The following GTF2IRD1 variants were observed in gnomAD, a reference collection of about 807,000 sequenced individuals.
GTF2IRD1 encodes GTF2I repeat domain containing 1, also known as general transcription factor II-I repeat domain-containing protein 1.
Under a neutral mutation model 113.2 loss-of-function variants are expected in GTF2IRD1, and 26 were observed. The ratio of observed to expected loss-of-function variants is 0.23; its 90% confidence interval spans 0.17 to 0.32. GTF2IRD1 has a LOEUF of 0.32. Ranked by LOEUF, GTF2IRD1 falls within the 10% of genes least tolerant of loss-of-function variation. The probability of loss-of-function intolerance (pLI) is 1.00; values close to 1 mark genes in which losing one functional copy is unlikely to be tolerated. For synonymous variants in GTF2IRD1, 484 were observed against 529.1 expected, an observed-to-expected ratio of 0.91 and a Z score of 1.17; for missense variants, 864 against 1,280.8, an observed-to-expected ratio of 0.67 and a Z score of 4.97.
intron 1 of GTF2IRD1, among the ~76,000 whole-genome samples, chr7:74,491,151 C>T (rs1047029404): frequency 3.3e-5 from 5 of 151,834 alleles, no homozygotes; most frequent in Admixed American, 6.6e-5. Context: ...ACTAAAAATA[C>T]AAAAATTAGA....
chr7:74,591,995 GA>G (rs1802091955), intron 24 of GTF2IRD1, among the ~76,000 whole-genome samples: 1 of 151,376 alleles, frequency 6.6e-6, no homozygotes, highest in South Asian at 2.1e-4. Context: ...CAGCAACCTG[GA>G]AAATACAAAA....
Position 74,545,791 on chromosome 7 carries a change from C to T in GTF2IRD1, c.1714C>T (p.Leu572Phe). Residue 572 changes from leucine to phenylalanine, a missense_variant, in exon 16 of 27, where the codon CTC becomes TTC. This residue lies in a region of GTF2IRD1 where 218 missense variants were observed against 352.6 expected (regional missense o/e 0.62). Coordinates refer to ENST00000424337, the MANE Select transcript of GTF2IRD1 (RefSeq NM_005685.4). The part of the protein sequence containing the change: ...IRPLRKQVEL[L>F]FNTRYAKAIG... ...GCCCCTGCGGAAGCAGGTGGAGCTG[C>T]TCTTCAACACACGATACGGTGAGCA... The T allele has an allele frequency of 6.2e-7, 1 of 1,613,102 alleles. No individual in the cohort carries two copies. Among genetic ancestry groups the T allele is most frequent in the Non-Finnish European group, 8.5e-7 (1 of 1,179,376 alleles).
intron 1 of GTF2IRD1, among the ~76,000 whole-genome samples, chr7:74,463,877 C>G (rs1562768823): frequency 6.6e-6 from 1 of 152,140 alleles, no homozygotes; most frequent in Non-Finnish European, 1.5e-5. Context: ...GTGCGTGCCA[C>G]CACACCCGAC....
chr7:74,501,981 T>C (rs1796059175), intron 1 of GTF2IRD1, among the ~76,000 whole-genome samples: 1 of 152,120 alleles, frequency 6.6e-6, no homozygotes, highest in South Asian at 2.1e-4. Context: ...AGGGTCTTGC[T>C]CTGTCTCCCA....
intron 1 of GTF2IRD1, among the ~76,000 whole-genome samples, chr7:74,476,635 C>T (rs1794429124): frequency 1.3e-5 from 2 of 152,022 alleles, no homozygotes; most frequent in Admixed American, 6.6e-5. Context: ...CAGATTTCAT[C>T]GGTTCCCCAC....
At chr7:74,549,979 G>A (rs1172683169) in intron 17 of GTF2IRD1, among the ~76,000 whole-genome samples, 1 of 151,752 alleles carries the variant, frequency 6.6e-6, no homozygotes, top group Non-Finnish European at 1.5e-5. Context: ...AGAAGTTGCA[G>A]TGAGCCGAGA....
chr7:74,538,474 G>A (rs141833187), intron 12 of GTF2IRD1, among the ~76,000 whole-genome samples: 48 of 152,308 alleles, frequency 3.2e-4, no homozygotes, highest in Middle Eastern at 6.8e-3. Flanking sequence ...CTCAGTCACC[G>A]GGTCTGTAAA....
At chr7:74,567,105 G>A (rs1200782763) in intron 22 of GTF2IRD1, among the ~76,000 whole-genome samples, 2 of 152,062 alleles carry the variant, frequency 1.3e-5, no homozygotes, top group Non-Finnish European at 1.5e-5. Flanking sequence ...TGAGGCAGGC[G>A]GATCACAAGG....
intron 11 of GTF2IRD1, among the ~76,000 whole-genome samples, chr7:74,537,225 C>T: frequency 6.6e-6 from 1 of 152,180 alleles, no homozygotes; most frequent in East Asian, 1.9e-4. Context: ...ACCTGGCCAA[C>T]ATGGCAAAAC....
At chr7:74,500,641 TG>T (rs1795984187) in intron 1 of GTF2IRD1, among the ~76,000 whole-genome samples, 1 of 152,308 alleles carries the variant, frequency 6.6e-6, no homozygotes, top group Non-Finnish European at 1.5e-5. Flanking sequence ...TTGCATCACG[TG>T]TGTGGTCTTT....
At chr7:74,554,945 A>C (rs1352565047) in intron 17 of GTF2IRD1, among the ~76,000 whole-genome samples, 1 of 152,174 alleles carries the variant, frequency 6.6e-6, no homozygotes, top group Non-Finnish European at 1.5e-5. Flanking sequence ...GTGAGATATC[A>C]GATGGACCTG....
chr7:74,587,189 A>T (rs1554368079), intron 22 of GTF2IRD1, among the ~76,000 whole-genome samples: 1 of 152,142 alleles, frequency 6.6e-6, no homozygotes, highest in East Asian at 1.9e-4. Context: ...TCACGCCTGT[A>T]ATCCCAGCAC....
At position 74,484,698 on chromosome 7, in the gene GTF2IRD1, A is replaced by G. The variant is rs186648896; in HGVS notation, c.-6-23377A>G. 3.5e-3 allele frequency among the ~76,000 whole-genome samples: 528 copies of G among 152,008 alleles called. 2 individuals are homozygous for G. Among genetic ancestry groups the G allele is most frequent in the Middle Eastern group, 0.01 (3 of 294 alleles). On this transcript the variant is annotated intron_variant, in intron 1 of 26. Transcript: ENST00000424337. The stretch of plus-strand genomic sequence containing the variant: ...GGTCTCAAACTCCTGACGTCAGGTG[A>G]TCCACCCGCCTCAGCCTCCCAAATG...
chr7:74,534,448 A>C (rs1486285888), intron 9 of GTF2IRD1, among the ~76,000 whole-genome samples: 1 of 152,192 alleles, frequency 6.6e-6, no homozygotes, highest in Non-Finnish European at 1.5e-5. Flanking sequence ...CTAAAAATAC[A>C]GAAATTAGCT....
At chr7:74,468,550 T>G (rs1454112859) in intron 1 of GTF2IRD1, among the ~76,000 whole-genome samples, 1 of 151,188 alleles carries the variant, frequency 6.6e-6, no homozygotes, top group African/African-American at 2.4e-5. Context: ...TCCCAGCTAC[T>G]TGGGAGGCTG....
rs186732591 is a variant in GTF2IRD1, at chr7:74,538,487, G to A, written c.1448-193G>A. On this transcript the variant is annotated intron_variant, in intron 12 of 26. Transcript: ENST00000424337. ...GCCTCAGTCACCGGGTCTGTAAATC[G>A]GAGCCCCTAAGCCTGGCCTGAGGGC... 4.0e-4 allele frequency among the ~76,000 whole-genome samples: 61 copies of A among 152,276 alleles called. 2 individuals carry two copies. In the East Asian group the frequency reaches 8.1e-3, roughly 20 times the overall value.
intron 1 of GTF2IRD1, among the ~76,000 whole-genome samples, chr7:74,466,012 C>T (rs1383737636): frequency 6.6e-6 from 1 of 152,232 alleles, no homozygotes; most frequent in Non-Finnish European, 1.5e-5. Context: ...CTCAAGTGAT[C>T]CACCCGCCTT....
intron 1 of GTF2IRD1, among the ~76,000 whole-genome samples, chr7:74,477,270 A>C (rs909944919): frequency 1.3e-5 from 2 of 152,014 alleles, no homozygotes; most frequent in Admixed American, 6.6e-5. Context: ...AGGCTGAGTC[A>C]GGAGAATCAC....
chr7:74,521,023 G>A (rs587616458), intron 6 of GTF2IRD1, among the ~76,000 whole-genome samples, 185 bp from the exon 7 acceptor site: 2 of 152,044 alleles, frequency 1.3e-5, no homozygotes, highest in Admixed American at 1.3e-4. Flanking sequence ...GCAGATTCTG[G>A]TGCAGAATGT....
Sources: allele counts gnomAD v4.1 joint callset (sites outside exome capture counted in the v4.1 genomes callset), GRCh38; gene constraint gnomAD v4.1.1; regional missense constraint gnomAD v4.1.1; transcripts MANE v1.5; gene names NCBI Gene and HGNC (gene_info 2026-07-23, HGNC 2026-07-21).